Variants in UNC5C observed in about 807,000 individuals in gnomAD.
UNC5C encodes unc-5 netrin receptor C.
A neutral mutation model predicts 99.8 loss-of-function variants in UNC5C; 47 were observed. That is an observed-to-expected ratio of 0.47 (90% CI 0.37 to 0.60). The LOEUF (loss-of-function observed/expected upper bound fraction) is 0.60, where lower values mean the gene tolerates loss of function less well. Ranked by LOEUF, UNC5C falls within the 20% of genes least tolerant of loss-of-function variation. UNC5C has a pLI of 0.00. For synonymous variants in UNC5C, 487 were observed against 452.2 expected, an observed-to-expected ratio of 1.08 and a Z score of -0.98; for missense variants, 1,062 against 1,165.9, an observed-to-expected ratio of 0.91 and a Z score of 1.30.
chr4:95,456,815 A>G (rs1324587876), intron 1 of UNC5C, among the ~76,000 whole-genome samples: 1 of 152,160 alleles, frequency 6.6e-6, no homozygotes, highest in Admixed American at 6.6e-5. Context: ...TAAAAGATTC[A>G]GTTCCCTATG....
chr4:95,331,786 T>A (rs574036482), intron 2 of UNC5C, among the ~76,000 whole-genome samples: 2 of 152,142 alleles, frequency 1.3e-5, no homozygotes, highest in Non-Finnish European at 2.9e-5. Flanking sequence ...TCTCAATATA[T>A]GTGTATATGT....
intron 2 of UNC5C, among the ~76,000 whole-genome samples, chr4:95,321,530 T>TGCCATG (rs1484989344): frequency 6.6e-6 from 1 of 152,098 alleles, no homozygotes; most frequent in South Asian, 2.1e-4. Flanking sequence ...TGCAGCTGAG[T>TGCCATG]TTATGTTGGC....
intron 2 of UNC5C, among the ~76,000 whole-genome samples, chr4:95,330,079 A>G (rs1743052906): frequency 6.6e-6 from 1 of 152,146 alleles, no homozygotes; most frequent in African/African-American, 2.4e-5. Context: ...CACTGGTTGA[A>G]AAACTGATCT....
chr4:95,283,061 C>T (rs1741118190), intron 3 of UNC5C, among the ~76,000 whole-genome samples: 1 of 152,132 alleles, frequency 6.6e-6, no homozygotes, highest in Non-Finnish European at 1.5e-5. Flanking sequence ...ATGGTATCTA[C>T]TACTCTTTTC....
chr4:95,388,620 G>A (rs1745274938), intron 1 of UNC5C, among the ~76,000 whole-genome samples: 1 of 152,100 alleles, frequency 6.6e-6, no homozygotes, highest in African/African-American at 2.4e-5. Flanking sequence ...AATGATGCCT[G>A]TGGTTCCACT....
intron 1 of UNC5C, among the ~76,000 whole-genome samples, chr4:95,504,395 G>C (rs924179216): frequency 6.6e-6 from 1 of 152,152 alleles, no homozygotes; most frequent in South Asian, 2.1e-4. Context: ...TCCATTTGGG[G>C]CAACTATCAT....
At chr4:95,544,970 T>C (rs1488702457) in intron 1 of UNC5C, among the ~76,000 whole-genome samples, 2 of 152,250 alleles carry the variant, frequency 1.3e-5, no homozygotes, top group African/African-American at 2.4e-5. Flanking sequence ...TAGAGCACAC[T>C]TGCTGTTGGC....
chr4:95,249,841 C>G (rs1739628426), intron 5 of UNC5C, among the ~76,000 whole-genome samples: 1 of 152,222 alleles, frequency 6.6e-6, no homozygotes, highest in African/African-American at 2.4e-5. Flanking sequence ...CTTATCTTCA[C>G]TCTGCACACC....
intron 1 of UNC5C, among the ~76,000 whole-genome samples, chr4:95,530,145 A>T (rs1048524911): frequency 1.3e-5 from 2 of 152,216 alleles, no homozygotes; most frequent in African/African-American, 4.8e-5. Context: ...AAATTTCCAG[A>T]ATAAATTTTC....
chr4:95,391,406 A>G (rs951349554), intron 1 of UNC5C, among the ~76,000 whole-genome samples: 2 of 152,200 alleles, frequency 1.3e-5, no homozygotes, highest in Non-Finnish European at 2.9e-5. Flanking sequence ...TGAAGAGCCT[A>G]GGACTACAAC....
chr4:95,545,573 A>G (rs1017849664), intron 1 of UNC5C, among the ~76,000 whole-genome samples: 3 of 152,196 alleles, frequency 2.0e-5, no homozygotes, highest in Non-Finnish European at 4.4e-5. Context: ...ACTATGAATT[A>G]AGATAATAGG....
intron 7 of UNC5C, among the ~76,000 whole-genome samples, chr4:95,226,892 T>A (rs921633081): frequency 5.9e-5 from 9 of 152,056 alleles, no homozygotes; most frequent in African/African-American, 9.7e-5. Context: ...GCCAAGGATA[T>A]TGAATGTCCT....
chr4:95,520,610 T>A (rs1031801114), intron 1 of UNC5C, among the ~76,000 whole-genome samples: 3 of 150,140 alleles, frequency 2.0e-5, no homozygotes, highest in African/African-American at 7.4e-5. Flanking sequence ...TTTTTTTTTT[T>A]TTTTTTGAGA....
intron 5 of UNC5C, among the ~76,000 whole-genome samples, chr4:95,245,799 A>C (rs1739483492): frequency 6.6e-6 from 1 of 152,190 alleles, no homozygotes; most frequent in South Asian, 2.1e-4. Context: ...TGTGATTGTA[A>C]AACCTACACC....
chr4:95,296,036 C>T (rs969421342), intron 3 of UNC5C, among the ~76,000 whole-genome samples: 1 of 152,236 alleles, frequency 6.6e-6, no homozygotes, highest in African/African-American at 2.4e-5. Context: ...TGCAATGAGC[C>T]GAGATTGTGC....
At chr4:95,374,726 G>A (rs1744842360) in intron 1 of UNC5C, among the ~76,000 whole-genome samples, 1 of 152,130 alleles carries the variant, frequency 6.6e-6, no homozygotes, top group African/African-American at 2.4e-5. Context: ...GGGAGGCCCA[G>A]GGTGGCAGGC....
At chr4:95,393,075 T>C (rs922157806) in intron 1 of UNC5C, among the ~76,000 whole-genome samples, 9 of 152,172 alleles carry the variant, frequency 5.9e-5, no homozygotes, top group Non-Finnish European at 1.0e-4. Flanking sequence ...AGGGGATTTC[T>C]ACCCTTGGGG....
At chr4:95,195,816 C>A (rs1737356867) in intron 12 of UNC5C, among the ~76,000 whole-genome samples, 1 of 151,736 alleles carries the variant, frequency 6.6e-6, no homozygotes, top group African/African-American at 2.4e-5. Context: ...ATAATACAAG[C>A]TTTCACAGAG....
Position 95,445,748 on chromosome 4 carries a change from A to T in UNC5C, c.124+102986T>A, listed in dbSNP as rs540426218. 2.0e-5 allele frequency among the ~76,000 whole-genome samples: 3 copies of T among 152,314 alleles called. No homozygotes were observed. The East Asian group carries it at 5.8e-4, about 29-fold the overall frequency. On this transcript the variant is annotated intron_variant, in intron 1 of 15. Coordinates refer to ENST00000453304, the MANE Select transcript of UNC5C (RefSeq NM_003728.4). ...AAGCAATAAATGAATTTTCTGAGCAATGTGAGAGAAATGTAGATCGAGTGG... is the reference window on the plus strand; with the variant it reads ...AAGCAATAAATGAATTTTCTGAGCATTGTGAGAGAAATGTAGATCGAGTGG...
Sources: allele counts gnomAD v4.1 joint callset (sites outside exome capture counted in the v4.1 genomes callset), GRCh38; gene constraint gnomAD v4.1.1; transcripts MANE v1.5; gene names NCBI Gene and HGNC (gene_info 2026-07-23, HGNC 2026-07-21).